Variants in PDE10A observed in about 807,000 individuals in gnomAD.
The protein encoded by PDE10A is cAMP and cAMP-inhibited cGMP 3',5'-cyclic phosphodiesterase 10A.
PDE10A carries 39 observed loss-of-function variants against 97.7 expected under a neutral mutation model. That is an observed-to-expected ratio of 0.40 (90% CI 0.31 to 0.52). The LOEUF (loss-of-function observed/expected upper bound fraction) is 0.52. Ranked by LOEUF, PDE10A falls within the 20% of genes least tolerant of loss-of-function variation. PDE10A has a pLI of 0.56. For synonymous variants in PDE10A, 371 were observed against 376.8 expected, an observed-to-expected ratio of 0.98 and a Z score of 0.18; for missense variants, 731 against 1,047.8, an observed-to-expected ratio of 0.70 and a Z score of 4.17.
At chr6:165,490,917 T>C (rs1195653636) in intron 2 of PDE10A, among the ~76,000 whole-genome samples, 1 of 152,136 alleles carries the variant, frequency 6.6e-6, no homozygotes, top group Non-Finnish European at 1.5e-5. Flanking sequence ...ATCACACCAC[T>C]GAACTCCAGC....
At chr6:165,473,577 T>A (rs1779134195) in intron 3 of PDE10A, among the ~76,000 whole-genome samples, 1 of 152,024 alleles carries the variant, frequency 6.6e-6, no homozygotes, top group African/African-American at 2.4e-5. Flanking sequence ...TAGAGGCCAC[T>A]ATAATTAAGA....
chr6:165,677,450 G>T (rs964873447), intron 1 of PDE10A, among the ~76,000 whole-genome samples: 1 of 152,208 alleles, frequency 6.6e-6, no homozygotes, highest in African/African-American at 2.4e-5. Flanking sequence ...CACATCCCTG[G>T]ATTCAACCAG....
At chr6:165,644,466 C>G (rs1201317113) in intron 1 of PDE10A, among the ~76,000 whole-genome samples, 1 of 152,184 alleles carries the variant, frequency 6.6e-6, no homozygotes, top group Non-Finnish European at 1.5e-5. Context: ...CTGGGAGAAA[C>G]CACCAGCACC....
intron 1 of PDE10A, among the ~76,000 whole-genome samples, chr6:165,801,172 C>T (rs1233665950): frequency 6.6e-6 from 1 of 152,200 alleles, no homozygotes; most frequent in African/African-American, 2.4e-5. Context: ...CATCTACATC[C>T]ACATCATTGT....
At chr6:165,389,061 G>A (rs1785496918) in intron 16 of PDE10A, among the ~76,000 whole-genome samples, 1 of 152,140 alleles carries the variant, frequency 6.6e-6, no homozygotes, top group Non-Finnish European at 1.5e-5. Flanking sequence ...CAGTGTGGGA[G>A]AAGAGCACGC....
intron 1 of PDE10A, among the ~76,000 whole-genome samples, chr6:165,806,284 G>A (rs1341549280): frequency 6.6e-6 from 1 of 152,114 alleles, no homozygotes; most frequent in African/African-American, 2.4e-5. Flanking sequence ...ACTTCCACAT[G>A]GGACCCGCCT....
At chr6:165,929,276 G>A (rs1018083764) in intron 1 of PDE10A, among the ~76,000 whole-genome samples, 15 of 152,346 alleles carry the variant, frequency 9.8e-5, no homozygotes, top group African/African-American at 3.6e-4. Flanking sequence ...TCAGATTTGA[G>A]GATGGTGTAG....
At chr6:165,648,199 A>C (rs1255437987) in intron 1 of PDE10A, among the ~76,000 whole-genome samples, 1 of 151,956 alleles carries the variant, frequency 6.6e-6, no homozygotes, top group African/African-American at 2.4e-5. Context: ...TTTTTAGTAG[A>C]GACGGGGTTT....
exon 1 of PDE10A, chr6:165,987,649 G>A (rs938614427): frequency 4.4e-6 from 2 of 456,334 alleles, no homozygotes; most frequent in African/African-American, 4.0e-5. Context: ...AGCACAGTGG[G>A]TCCAGGGTTC....
intron 1 of PDE10A, among the ~76,000 whole-genome samples, chr6:165,675,858 A>C (rs1790780177): frequency 6.6e-6 from 1 of 152,248 alleles, no homozygotes; most frequent in Admixed American, 6.5e-5. Context: ...TCAAAGAACC[A>C]AAGTATAACT....
intron 1 of PDE10A, among the ~76,000 whole-genome samples, chr6:165,958,345 C>G (rs1784204083): frequency 6.6e-6 from 1 of 151,934 alleles, no homozygotes; most frequent in Non-Finnish European, 1.5e-5. Flanking sequence ...ATAATTACCA[C>G]TTGGCCTACA....
At chr6:165,561,158 G>T (rs1413570038) in intron 1 of PDE10A, among the ~76,000 whole-genome samples, 2 of 151,590 alleles carry the variant, frequency 1.3e-5, no homozygotes, top group Non-Finnish European at 2.9e-5. Flanking sequence ...GGCGGAGGTT[G>T]CAGTGAGCCG....
rs190514737 is a variant in PDE10A, at chr6:165,894,737, A to T, written c.-615+92792T>A. On this transcript the variant is annotated intron_variant, in intron 1 of 19. Coordinates refer to the PDE10A transcript ENST00000366882. ...GGAAACTTAGAAAATGCATATAAAT[A>T]TGTGTTCATATTGTGTTATAATATT... 7.0e-4 allele frequency: 236 copies of T among 337,650 alleles called. 2 individuals are homozygous for T. The Middle Eastern group carries it at 0.01, about 15-fold the overall frequency. 20.9% of individuals were successfully genotyped at this position (337,650 alleles called of 1,614,324 possible).
At chr6:165,619,109 G>A (rs375982283) in intron 1 of PDE10A, among the ~76,000 whole-genome samples, 4 of 133,420 alleles carry the variant, frequency 3.0e-5, no homozygotes, top group South Asian at 2.4e-4. Context: ...GTAGTCTAGT[G>A]TAGTGTAGTC....
Position 165,661,820 on chromosome 6 carries a change from C to G in PDE10A, c.865+127G>C, listed in dbSNP as rs1168914053. 1.8e-6 allele frequency: 1 copy of G among 552,752 alleles called. No individual in the cohort carries two copies. Among genetic ancestry groups the G allele is most frequent in the East Asian group, 3.7e-5 (1 of 26,692 alleles). 34.2% of individuals were successfully genotyped at this position (552,752 alleles called of 1,614,324 possible). A position where few individuals can be genotyped will look rare whatever the true frequency, so the allele number is the denominator to read the frequency against. On this transcript the variant is annotated intron_variant, in intron 1 of 21. Coordinates refer to ENST00000539869, the MANE Select transcript of PDE10A (RefSeq NM_001385079.1). The surrounding 1 kb of genome is among the most constrained non-coding windows in gnomAD (Gnocchi z 4.8). ...TGCCCCTCCAGAGAAGCCCCCTGGGCGCTCCACGCCCGGGCACGGGCACCT... is the reference window on the plus strand; with the variant it reads ...TGCCCCTCCAGAGAAGCCCCCTGGGGGCTCCACGCCCGGGCACGGGCACCT...
intron 1 of PDE10A, among the ~76,000 whole-genome samples, chr6:165,896,895 C>G (rs1212586030): frequency 6.6e-6 from 1 of 152,084 alleles, no homozygotes; most frequent in Non-Finnish European, 1.5e-5. Flanking sequence ...GTCGTGAACT[C>G]CAGACCTCAA....
chr6:165,651,627 T>G (rs1257990138), intron 1 of PDE10A, among the ~76,000 whole-genome samples: 1 of 152,230 alleles, frequency 6.6e-6, no homozygotes, highest in East Asian at 1.9e-4. Context: ...CATTGTGTTT[T>G]TTGAATGTGG....
In PDE10A at chr6:165,418,651, T is replaced by C; in HGVS notation, c.1780A>G (p.Lys594Glu). ...TAGCTGTACCTTATCTCTTTGGTCT[T>C]CTTGAAGACAGGTTTTCCTTCCTTT... ...EEKEGKPVFK[K>E]TKEIRFSIEK... The change falls in exon 11 of 22, where the codon AAG becomes GAG. Residue 594 changes from lysine (K) to glutamate (E), a missense_variant. By Grantham distance (56) the Lys-to-Glu change is moderately conservative. Around this residue, in one of 8 missense-constraint regions of PDE10A, gnomAD observed 108 missense variants for 199.8 expected, o/e 0.54. Transcript: ENST00000539869. This position sits in a 1 kb window ranked among gnomAD's most constrained non-coding sequence, Gnocchi z 4.8. The C allele has an allele frequency of 1.2e-6, 2 of 1,613,172 alleles. No homozygotes were observed. Among genetic ancestry groups the C allele is most frequent in the Non-Finnish European group, 1.7e-6 (2 of 1,179,852 alleles).
At chr6:165,475,536 T>C (rs1293607735) in intron 3 of PDE10A, among the ~76,000 whole-genome samples, 1 of 152,152 alleles carries the variant, frequency 6.6e-6, no homozygotes, top group African/African-American at 2.4e-5. Context: ...CTTGAAAACA[T>C]TCACTAAGAA....
Sources: allele counts gnomAD v4.1 joint callset (sites outside exome capture counted in the v4.1 genomes callset), GRCh38; gene constraint gnomAD v4.1.1; regional missense constraint gnomAD v4.1.1; non-coding constraint Gnocchi (gnomAD v3.1); transcripts MANE v1.5; gene names NCBI Gene and HGNC (gene_info 2026-07-23, HGNC 2026-07-21).